The following PTPRO variants were observed in gnomAD, a reference collection of about 807,000 sequenced individuals.
The protein encoded by PTPRO is receptor-type tyrosine-protein phosphatase O.
PTPRO carries 62 observed loss-of-function variants against 145.2 expected under a neutral mutation model. The observed-to-expected ratio is 0.43, with a 90% CI of 0.35 to 0.53. PTPRO has a LOEUF of 0.53. PTPRO is among the 20% of genes least tolerant of loss of function. The pLI, the probability that PTPRO is intolerant of heterozygous loss-of-function variation, is 0.01. For synonymous variants in PTPRO, 565 were observed against 514.7 expected, an observed-to-expected ratio of 1.10 and a Z score of -1.32; for missense variants, 1,345 against 1,482.7, an observed-to-expected ratio of 0.91 and a Z score of 1.53.
rs111966597 is a variant in PTPRO, at chr12:15,583,498, C to CACAA, written c.3255+1698_3255+1699insCAAA. Among the ~76,000 whole-genome samples, 466 of 150,250 alleles carry CACAA rather than the reference C, an allele frequency of 3.1e-3. 3 individuals are homozygous for CACAA. The highest frequency in any genetic ancestry group is 0.016 in the East Asian group (84 of 5,100). ...CTATCTCCACACACACACACACACACAAAAAAAATCAACAAGAAAAATAGT... is the reference window on the plus strand; with the variant it reads ...CTATCTCCACACACACACACACACACACAAAAAAAAAATCAACAAGAAAAATAGT... On this transcript the variant is annotated intron_variant, in intron 23 of 26. Coordinates refer to ENST00000281171, the MANE Select transcript of PTPRO (RefSeq NM_030667.3).
In PTPRO at chr12:15,448,339, TAAAA is replaced by T. The variant is rs56136736; in HGVS notation, c.76-35617_76-35614del. On this transcript the variant is annotated intron_variant, in intron 1 of 26. Transcript: ENST00000281171. ...CTCTATTCTATCTTCCTGTTCCTAG[TAAAA>T]AAAAAAAAAAAAAAAAAGCACCGAT... Among the ~76,000 whole-genome samples, 14 of 45,046 alleles carry T rather than the reference TAAAA, an allele frequency of 3.1e-4. 1 individual carries two copies. In the Admixed American group the frequency reaches 3.8e-3, roughly 12 times the overall value. 29.6% of individuals were successfully genotyped at this position (45,046 alleles called of 152,430 possible).
intron 1 of PTPRO, among the ~76,000 whole-genome samples, chr12:15,423,480 C>A (rs1230195407): frequency 1.3e-5 from 2 of 148,980 alleles, no homozygotes; most frequent in Non-Finnish European, 1.5e-5. Context: ...AGTGTTAAAA[C>A]AATATTAGAC....
intron 2 of PTPRO, among the ~76,000 whole-genome samples, chr12:15,486,702 C>G (rs1357350818): frequency 6.6e-6 from 1 of 151,870 alleles, no homozygotes; most frequent in Non-Finnish European, 1.5e-5. Flanking sequence ...ACATTTTTTA[C>G]TTTCATACAT....
intron 1 of PTPRO, among the ~76,000 whole-genome samples, chr12:15,478,914 G>A (rs1039832302): frequency 1.3e-4 from 20 of 152,142 alleles, no homozygotes; most frequent in Middle Eastern, 3.4e-3. Flanking sequence ...CTCGTGATCC[G>A]CCCGCCTCGG....
At chr12:15,587,536 A>T (rs1194210435) in intron 24 of PTPRO, among the ~76,000 whole-genome samples, 1 of 152,230 alleles carries the variant, frequency 6.6e-6, no homozygotes, top group African/African-American at 2.4e-5. Flanking sequence ...GAAAATATTC[A>T]GCTTAGGAAG....
At chr12:15,427,761 AT>A (rs1018939085) in intron 1 of PTPRO, among the ~76,000 whole-genome samples, 2 of 151,436 alleles carry the variant, frequency 1.3e-5, no homozygotes, top group Non-Finnish European at 2.9e-5. Flanking sequence ...TAATTTCAAA[AT>A]TTTTTTTCTT....
chr12:15,339,950 A>G (rs1244399674), intron 1 of PTPRO, among the ~76,000 whole-genome samples: 2 of 152,204 alleles, frequency 1.3e-5, no homozygotes, highest in African/African-American at 4.8e-5. Flanking sequence ...GCATTTGTAT[A>G]TAAGATATGT....
At chr12:15,483,308 T>G (rs1941818550) in intron 1 of PTPRO, among the ~76,000 whole-genome samples, 1 of 152,108 alleles carries the variant, frequency 6.6e-6, no homozygotes, top group African/African-American at 2.4e-5. Flanking sequence ...AAATACATAT[T>G]TGGAGACTTG....
chr12:15,362,683 A>T (rs947022135), intron 1 of PTPRO, among the ~76,000 whole-genome samples: 35 of 152,292 alleles, frequency 2.3e-4, no homozygotes, highest in African/African-American at 8.2e-4. Flanking sequence ...GTCCAGTAAA[A>T]TATGAACCCA....
chr12:15,499,329 A>G, intron 3 of PTPRO, 113 bp from the exon 4 acceptor site: 1 of 1,049,406 alleles, frequency 9.5e-7, no homozygotes, highest in South Asian at 1.3e-5. Flanking sequence ...CCATAACAGT[A>G]GTTGAAGGAA....
At position 15,503,978 on chromosome 12, in the gene PTPRO, G is replaced by A; in HGVS notation, c.1176G>A (p.Gly392=). Residue 392 remains glycine, a synonymous_variant, in exon 6 of 27, where the codon GGG becomes GGA. Coordinates refer to ENST00000281171, the MANE Select transcript of PTPRO (RefSeq NM_030667.3). ...HEFVAELKEP[G]KYKLSVTTFS... ...TTGTTGCAGAACTGAAGGAACCTGGGAAATATAAGTTATCTGTGACAACCT... is the reference window on the plus strand; with the variant it reads ...TTGTTGCAGAACTGAAGGAACCTGGAAAATATAAGTTATCTGTGACAACCT... The A allele has an allele frequency of 6.2e-7, 1 of 1,605,458 alleles. No homozygotes were observed. Among genetic ancestry groups the A allele is most frequent in the East Asian group, 2.2e-5 (1 of 44,772 alleles).
At chr12:15,358,402 G>T (rs1381401752) in intron 1 of PTPRO, among the ~76,000 whole-genome samples, 2 of 152,076 alleles carry the variant, frequency 1.3e-5, no homozygotes, top group South Asian at 2.1e-4. Flanking sequence ...TAAAAAAGAT[G>T]ATCTATGCAT....
At chr12:15,490,154 A>G (rs188907002) in intron 2 of PTPRO, among the ~76,000 whole-genome samples, 4 of 152,366 alleles carry the variant, frequency 2.6e-5, no homozygotes, top group African/African-American at 7.2e-5. Flanking sequence ...GCAAGCCAAG[A>G]GATCCTGAAT....
intron 1 of PTPRO, chr12:15,346,658 T>C (rs891911686): frequency 6.6e-6 from 1 of 152,076 alleles, no homozygotes; most frequent in African/African-American, 2.4e-5. Flanking sequence ...GAAATTGTGA[T>C]GATTAATGAA....
At chr12:15,456,164 G>A (rs796837337) in intron 1 of PTPRO, among the ~76,000 whole-genome samples, 38 of 152,228 alleles carry the variant, frequency 2.5e-4, no homozygotes, top group African/African-American at 9.1e-4. Flanking sequence ...AACTTGTTTA[G>A]AATTTTTATC....
chr12:15,347,702 C>A (rs1867273806), intron 1 of PTPRO, among the ~76,000 whole-genome samples: 1 of 152,110 alleles, frequency 6.6e-6, no homozygotes, highest in Admixed American at 6.5e-5. Context: ...AAGGACTGAA[C>A]CAGAGACTCT....
chr12:15,382,429 A>T (rs1938891767), intron 1 of PTPRO, among the ~76,000 whole-genome samples: 1 of 152,180 alleles, frequency 6.6e-6, no homozygotes, highest in African/African-American at 2.4e-5. Flanking sequence ...CTGGAATCTG[A>T]CATCTCAATA....
Position 15,322,681 on chromosome 12 carries a change from G to C in PTPRO, c.-46G>C. ...TCGCCATTGTGAGCCGCCGCCGGGG[G>C]AGTCCGCTAGCGCAGCCGTGCCCCC... On this transcript the variant is annotated 5_prime_UTR_variant, in exon 1 of 27. Coordinates refer to ENST00000281171, the MANE Select transcript of PTPRO (RefSeq NM_030667.3). The surrounding 1 kb of genome is among the most constrained non-coding windows in gnomAD (Gnocchi z 6.3). 1 of 1,541,290 alleles carries C rather than the reference G, an allele frequency of 6.5e-7. No homozygotes were observed. The highest frequency in any genetic ancestry group is 8.9e-7 in the Non-Finnish European group (1 of 1,126,980).
chr12:15,360,288 T>A (rs1023978705), intron 1 of PTPRO, among the ~76,000 whole-genome samples: 17 of 152,334 alleles, frequency 1.1e-4, no homozygotes, highest in African/African-American at 4.1e-4. Flanking sequence ...AAATTGTAGG[T>A]GTTCAGAAAA....
Sources: allele counts gnomAD v4.1 joint callset (sites outside exome capture counted in the v4.1 genomes callset), GRCh38; gene constraint gnomAD v4.1.1; non-coding constraint Gnocchi (gnomAD v3.1); transcripts MANE v1.5; gene names NCBI Gene and HGNC (gene_info 2026-07-23, HGNC 2026-07-21).